CTNNA1: variants seen among roughly 807,000 people sequenced by gnomAD.
The protein encoded by CTNNA1 is catenin alpha 1.
Under a neutral mutation model 98.4 loss-of-function variants are expected in CTNNA1, and 37 were observed. The ratio of observed to expected loss-of-function variants is 0.38; its 90% confidence interval spans 0.29 to 0.49. The LOEUF is 0.49. CTNNA1 is among the 20% of genes least tolerant of loss of function. The pLI is 0.95. For missense variants in CTNNA1, 761 were observed against 1,147.2 expected (o/e 0.66, Z 4.86); for synonymous variants, 404 against 413.2 (o/e 0.98, Z 0.27).
chr5:138,875,382 C>T (rs1480316517), intron 7 of CTNNA1: 7 of 985,876 alleles, frequency 7.1e-6, no homozygotes, highest in Admixed American at 6.1e-5. Context: ...TATAGGCTGA[C>T]GTCACCGGAT....
chr5:138,804,840 A>T (rs1325487136), intron 3 of CTNNA1, among the ~76,000 whole-genome samples: 1 of 152,224 alleles, frequency 6.6e-6, no homozygotes, highest in Non-Finnish European at 1.5e-5. Context: ...TGAAAACTGC[A>T]ATTACTTTTG....
intron 9 of CTNNA1, among the ~76,000 whole-genome samples, chr5:138,903,853 G>A (rs1199604161): frequency 6.6e-6 from 1 of 151,992 alleles, no homozygotes; most frequent in Non-Finnish European, 1.5e-5. Flanking sequence ...AAATTGTCTG[G>A]TGTTCAAATA....
intron 1 of CTNNA1, among the ~76,000 whole-genome samples, chr5:138,781,526 G>C (rs1359745667): frequency 6.8e-6 from 1 of 147,358 alleles, no homozygotes; most frequent in Non-Finnish European, 1.5e-5. Context: ...CTGCCCTCCA[G>C]CCTGGGCGAA....
intron 3 of CTNNA1, among the ~76,000 whole-genome samples, chr5:138,799,190 C>T (rs536870969): frequency 4.6e-5 from 7 of 152,074 alleles, no homozygotes; most frequent in South Asian, 2.1e-4. Context: ...GACAGAGTTT[C>T]GCTCTTGTTG....
chr5:138,799,880 GTATGTATGTA>G (rs1757379144), intron 3 of CTNNA1, among the ~76,000 whole-genome samples: 1 of 141,040 alleles, frequency 7.1e-6, no homozygotes, highest in African/African-American at 3.1e-5. Flanking sequence ...ATGTATGTAT[GTATGTATGTA>G]TGTGTGTGTG....
Position 138,874,952 on chromosome 5 carries a change from T to TA in CTNNA1, c.1063-11259dup, listed in dbSNP as rs773081998. The TA allele has an allele frequency of 1.2e-6, 2 of 1,612,076 alleles. No homozygotes were observed. The highest frequency in any genetic ancestry group is 2.2e-5 in the South Asian group (2 of 91,028). On this transcript the variant is annotated intron_variant, in intron 7 of 17. Transcript: ENST00000302763. This position sits in a 1 kb window ranked among gnomAD's most constrained non-coding sequence, Gnocchi z 4.1. ...GGAGGCTGCATTCAGTCGCGGTTGTTAGACTCAACGCAGTGAGTCTGTAAA... is the reference window on the plus strand; with the variant it reads ...GGAGGCTGCATTCAGTCGCGGTTGTTAAGACTCAACGCAGTGAGTCTGTAAA...
At chr5:138,827,140 T>G (rs541590701) in intron 6 of CTNNA1, among the ~76,000 whole-genome samples, 1 of 152,360 alleles carries the variant, frequency 6.6e-6, no homozygotes, top group Middle Eastern at 3.4e-3. Context: ...ATGGCAGTTT[T>G]ATATTCTGCA....
chr5:138,843,118 A>G (rs920671652), intron 7 of CTNNA1, among the ~76,000 whole-genome samples: 2 of 152,228 alleles, frequency 1.3e-5, no homozygotes, highest in African/African-American at 4.8e-5. Flanking sequence ...TTTAGGAGGA[A>G]TGGTTACATA....
At chr5:138,757,477 A>G (rs928805089) in intron 1 of CTNNA1, among the ~76,000 whole-genome samples, 1 of 152,202 alleles carries the variant, frequency 6.6e-6, no homozygotes, top group Admixed American at 6.6e-5. Context: ...TCAGAAAAAA[A>G]GAAAATGGAC....
intron 9 of CTNNA1, among the ~76,000 whole-genome samples, chr5:138,897,929 C>T (rs1269858996): frequency 6.6e-6 from 1 of 152,208 alleles, no homozygotes; most frequent in Non-Finnish European, 1.5e-5. Flanking sequence ...AAGAAGCACT[C>T]TGCCCAACCT....
rs538970768 is a variant in CTNNA1 at position 138,885,009 on chromosome 5, T to C, written c.1063-1203T>C. Among the ~76,000 whole-genome samples the C allele has an allele frequency of 5.9e-5, 9 of 152,300 alleles. No individual in the cohort carries two copies. In the East Asian group the frequency reaches 1.5e-3, roughly 26 times the overall value. On this transcript the variant is annotated intron_variant, in intron 7 of 17. Coordinates refer to ENST00000302763, the MANE Select transcript of CTNNA1 (RefSeq NM_001903.5). ...CCAGATTTGATAGTGATCATATCAA[T>C]TTTACTTATATTTCAACTCTTACTA... is the stretch of plus-strand genomic sequence containing the variant.
At chr5:138,849,693 T>C (rs1763022938) in intron 7 of CTNNA1, among the ~76,000 whole-genome samples, 1 of 152,234 alleles carries the variant, frequency 6.6e-6, no homozygotes, top group African/African-American at 2.4e-5. Context: ...TTAATGGTTA[T>C]TTGCTTCAGA....
At chr5:138,814,250 C>CT (rs201780214) in intron 5 of CTNNA1, among the ~76,000 whole-genome samples, 11,378 of 136,644 alleles carry the variant, frequency 0.083, 1,380 homozygotes, top group African/African-American at 0.27. Flanking sequence ...GCTCAGTGTG[C>CT]TTTTTTTTTT....
intron 7 of CTNNA1, among the ~76,000 whole-genome samples, chr5:138,831,055 G>T (rs1335361395): frequency 6.6e-6 from 1 of 152,116 alleles, no homozygotes; most frequent in African/African-American, 2.4e-5. Context: ...TGTTTACTAC[G>T]TGGAACTTTG....
intron 13 of CTNNA1, among the ~76,000 whole-genome samples, chr5:138,927,046 C>T (rs1008223539): frequency 3.9e-5 from 6 of 152,146 alleles, no homozygotes; most frequent in Non-Finnish European, 8.8e-5. Context: ...TTTGGCTCTC[C>T]GTTCACAGTA....
intron 11 of CTNNA1, among the ~76,000 whole-genome samples, 181 bp downstream of exon 11, chr5:138,918,079 T>G (rs1253385755): frequency 6.6e-6 from 1 of 152,222 alleles, no homozygotes; most frequent in African/African-American, 2.4e-5. Context: ...AGTGACAGCT[T>G]CTCAGCTACT....
intron 1 of CTNNA1, among the ~76,000 whole-genome samples, chr5:138,777,450 C>T (rs1299458128): frequency 1.3e-5 from 2 of 149,706 alleles, no homozygotes; most frequent in East Asian, 2.0e-4. Flanking sequence ...ACTTCCCAGA[C>T]GGGGTGGCGG....
intron 11 of CTNNA1, among the ~76,000 whole-genome samples, chr5:138,919,763 T>C (rs887580522): frequency 2.0e-5 from 3 of 152,178 alleles, no homozygotes; most frequent in Non-Finnish European, 4.4e-5. Context: ...GTTTTTCTGA[T>C]GTTCTGTCAC....
At chr5:138,923,693 C>T (rs1052733490) in intron 11 of CTNNA1, among the ~76,000 whole-genome samples, 10 of 152,190 alleles carry the variant, frequency 6.6e-5, no homozygotes. Flanking sequence ...TCCCATAATT[C>T]ATTTATCCAC....
Sources: gnomAD v4.1 joint callset for allele counts (sites outside exome capture counted in the v4.1 genomes callset) on GRCh38, gnomAD v4.1.1 for gene constraint, Gnocchi (gnomAD v3.1) non-coding constraint, MANE v1.5 for transcripts, NCBI Gene and HGNC (gene_info 2026-07-23, HGNC 2026-07-21) for gene names.